Variants in ARHGAP15 observed in about 807,000 individuals in gnomAD.
ARHGAP15 encodes rho GTPase-activating protein 15.
Under a neutral mutation model 63.7 loss-of-function variants are expected in ARHGAP15, and 51 were observed. The observed-to-expected ratio is 0.80, with a 90% CI of 0.64 to 1.01. ARHGAP15 has a LOEUF of 1.01. Among genes scored for constraint, ARHGAP15 ranks in the 50% least tolerant of loss-of-function variants. ARHGAP15 has a pLI of 0.00. For synonymous variants in ARHGAP15, 191 were observed against 193.8 expected (o/e 0.99, Z 0.12); for missense variants, 560 against 564.6 (o/e 0.99, Z 0.08).
At chr2:143,309,287 C>A (rs148839075) in intron 6 of ARHGAP15, among the ~76,000 whole-genome samples, 17 of 152,150 alleles carry the variant, frequency 1.1e-4, no homozygotes, top group Admixed American at 2.0e-4. Flanking sequence ...TAAAAATCAA[C>A]ATTATACAGA....
intron 8 of ARHGAP15, among the ~76,000 whole-genome samples, chr2:143,466,939 T>A (rs970884712): frequency 6.6e-6 from 1 of 152,088 alleles, no homozygotes; most frequent in Non-Finnish European, 1.5e-5. Flanking sequence ...GTAAAATTCA[T>A]ATGGTTTTCC....
At chr2:143,300,170 A>G (rs140078664) in intron 6 of ARHGAP15, among the ~76,000 whole-genome samples, 62 of 152,146 alleles carry the variant, frequency 4.1e-4, no homozygotes, top group Non-Finnish European at 7.6e-4. Context: ...CCTGATACCT[A>G]TGTAGAAGGG....
chr2:143,159,444 ATAGT>A (rs1690206125), intron 2 of ARHGAP15, among the ~76,000 whole-genome samples: 1 of 151,934 alleles, frequency 6.6e-6, no homozygotes, highest in African/African-American at 2.4e-5. Flanking sequence ...AATCAAGCTT[ATAGT>A]TAGGTTTGAG....
chr2:143,447,199 G>C (rs1690183021), intron 8 of ARHGAP15, among the ~76,000 whole-genome samples: 1 of 152,068 alleles, frequency 6.6e-6, no homozygotes, highest in Non-Finnish European at 1.5e-5. Flanking sequence ...CATTCTTATA[G>C]AAAATAGTAA....
intron 6 of ARHGAP15, among the ~76,000 whole-genome samples, chr2:143,296,994 G>C (rs552406740): frequency 1.3e-5 from 2 of 151,774 alleles, no homozygotes; most frequent in Non-Finnish European, 2.9e-5. Flanking sequence ...ATGCTTATTT[G>C]TATTTCTTCT....
At chr2:143,736,581 C>A (rs769480709) in intron 13 of ARHGAP15, among the ~76,000 whole-genome samples, 8 of 152,110 alleles carry the variant, frequency 5.3e-5, no homozygotes, top group Non-Finnish European at 1.0e-4. Flanking sequence ...CTCATTTCTT[C>A]TAAGCTTCAG....
intron 6 of ARHGAP15, among the ~76,000 whole-genome samples, chr2:143,269,952 A>G (rs1159499787): frequency 6.6e-6 from 1 of 152,120 alleles, no homozygotes; most frequent in East Asian, 1.9e-4. Flanking sequence ...ATATTTCTCC[A>G]TTAAATATTA....
chr2:143,194,072 A>C (rs977382404), intron 2 of ARHGAP15, among the ~76,000 whole-genome samples: 8 of 152,250 alleles, frequency 5.3e-5, no homozygotes, highest in African/African-American at 1.9e-4. Context: ...TCTGCCAAAC[A>C]TAGCCAAATG....
intron 9 of ARHGAP15, among the ~76,000 whole-genome samples, chr2:143,502,977 A>G (rs944418701): frequency 2.6e-4 from 40 of 151,894 alleles, no homozygotes; most frequent in Non-Finnish European, 4.9e-4. Flanking sequence ...GACCAGGACC[A>G]TGGACATCGA....
intron 3 of ARHGAP15, among the ~76,000 whole-genome samples, chr2:143,204,949 T>A (rs1191036172): frequency 1.3e-4 from 20 of 150,160 alleles, no homozygotes; most frequent in African/African-American, 3.7e-4. Flanking sequence ...AAAAAAAAAA[T>A]GAAACAAAAA....
chr2:143,588,831 C>T (rs558219503), intron 11 of ARHGAP15, among the ~76,000 whole-genome samples: 4 of 152,280 alleles, frequency 2.6e-5, no homozygotes, highest in Admixed American at 2.6e-4. Context: ...CCAGTTTAAA[C>T]CCTCTGCTTT....
chr2:143,471,204 G>GTA (rs984884560), intron 8 of ARHGAP15, among the ~76,000 whole-genome samples: 3 of 146,062 alleles, frequency 2.1e-5, no homozygotes, highest in Non-Finnish European at 3.0e-5. Flanking sequence ...ACACATATAT[G>GTA]TGTGTATATA....
chr2:143,608,599 G>A (rs1202640848), intron 11 of ARHGAP15: 2 of 152,186 alleles, frequency 1.3e-5, no homozygotes, highest in Non-Finnish European at 2.9e-5. Flanking sequence ...GTGTCAGAAA[G>A]CAGTACTGAG....
rs571357367 is a variant in ARHGAP15 at position 143,159,225 on chromosome 2, ATTGT to A, written c.165+3576_165+3579del. On this transcript the variant is annotated intron_variant, in intron 2 of 13. Coordinates refer to ENST00000295095, the MANE Select transcript of ARHGAP15 (RefSeq NM_018460.4). ...AGATTCCTTTTACTTCCATTAACAG[ATTGT>A]TTGTTCAGTTTTTAAATATATTATC... 7.9e-5 allele frequency among the ~76,000 whole-genome samples: 12 copies of A among 152,028 alleles called. No individual in the cohort carries two copies. The South Asian group carries it at 2.1e-3, about 26-fold the overall frequency.
chr2:143,697,887 CA>C (rs1341700473), intron 12 of ARHGAP15, among the ~76,000 whole-genome samples: 1 of 152,142 alleles, frequency 6.6e-6, no homozygotes, highest in Non-Finnish European at 1.5e-5. Flanking sequence ...GGCCACAGTA[CA>C]AAAACTATAA....
chr2:143,712,034 T>C (rs1410034635), intron 13 of ARHGAP15, among the ~76,000 whole-genome samples: 1 of 152,194 alleles, frequency 6.6e-6, no homozygotes, highest in Non-Finnish European at 1.5e-5. Flanking sequence ...CCACAGTTTT[T>C]ATAAGAGTGA....
intron 13 of ARHGAP15, among the ~76,000 whole-genome samples, chr2:143,744,162 G>A (rs1686071145): frequency 6.6e-6 from 1 of 152,192 alleles, no homozygotes; most frequent in South Asian, 2.1e-4. Context: ...TTACTTTTAG[G>A]GTGGGGCTTA....
intron 13 of ARHGAP15, chr2:143,741,107 G>A (rs1402836951): frequency 6.6e-6 from 1 of 152,156 alleles, no homozygotes; most frequent in African/African-American, 2.4e-5. Flanking sequence ...GCCCAGTAGT[G>A]GTCCCTTGGC....
chr2:143,696,971 C>T (rs930420098), intron 12 of ARHGAP15, among the ~76,000 whole-genome samples: 1 of 152,160 alleles, frequency 6.6e-6, no homozygotes, highest in Non-Finnish European at 1.5e-5. Context: ...TTTGACATTG[C>T]CTTCCTTTTA....
Sources: allele counts gnomAD v4.1 joint callset (sites outside exome capture counted in the v4.1 genomes callset), GRCh38; gene constraint gnomAD v4.1.1; transcripts MANE v1.5; gene names NCBI Gene and HGNC (gene_info 2026-07-23, HGNC 2026-07-21).